Variants in TP73 observed in about 807,000 individuals in gnomAD.
TP73 encodes p53-like transcription factor.
TP73 carries 25 observed loss-of-function variants against 62.5 expected under a neutral mutation model. The ratio of observed to expected loss-of-function variants is 0.40; its 90% CI spans 0.29 to 0.56. The LOEUF (loss-of-function observed/expected upper bound fraction) is 0.56, where lower values mean the gene tolerates loss of function less well. TP73 is among the 20% of genes least tolerant of loss of function. The pLI, the probability that TP73 is intolerant of heterozygous loss-of-function variation, is 0.46. For synonymous variants in TP73, 423 were observed against 377.5 expected, an observed-to-expected ratio of 1.12 and a Z score of -1.40; for missense variants, 754 against 913.3, an observed-to-expected ratio of 0.83 and a Z score of 2.25.
intron 4 of TP73, among the ~76,000 whole-genome samples, chr1:3,721,258 G>A (rs1262435351): frequency 6.6e-6 from 1 of 152,254 alleles, no homozygotes; most frequent in Admixed American, 6.5e-5. Flanking sequence ...CTCAGGAAGG[G>A]TGTCATCCAG....
intron 1 of TP73, among the ~76,000 whole-genome samples, chr1:3,654,878 A>G (rs1222438816): frequency 6.6e-6 from 1 of 152,204 alleles, no homozygotes; most frequent in African/African-American, 2.4e-5. Flanking sequence ...CCAAGAATGG[A>G]TTGATAACAC....
At position 3,691,093 on chromosome 1, in the gene TP73, G is replaced by A. The variant is rs771020795; in HGVS notation, c.186+7913G>A. 2.1e-4 allele frequency: 250 copies of A among 1,211,250 alleles called. 1 individual carries two copies. The highest frequency in any genetic ancestry group is 1.3e-3 in the South Asian group (97 of 72,974). The allele number at this position is 1,211,250 out of a possible 1,614,324, so 75.0% of individuals were successfully genotyped here. A position where few individuals can be genotyped will look rare whatever the true frequency, so the allele number is the denominator to read the frequency against. On this transcript the variant is annotated intron_variant, in intron 3 of 13. Transcript: ENST00000378295. ...GGTGAGCAGAGGTAGGAAGGGAGGC[G>A]TTGAGGGGCTAGAGGCAGGTCCCAG...
chr1:3,707,368 A>ATATG (rs1402485021), intron 3 of TP73, among the ~76,000 whole-genome samples, 181 bp from the exon 4 acceptor site: 1 of 152,136 alleles, frequency 6.6e-6, no homozygotes, highest in Non-Finnish European at 1.5e-5. Flanking sequence ...GGCGAGGTGA[A>ATATG]TATGTCAGTT....
intron 3 of TP73, among the ~76,000 whole-genome samples, chr1:3,704,758 C>T (rs887599671): frequency 6.0e-4 from 91 of 152,140 alleles, no homozygotes; most frequent in African/African-American, 2.0e-3. Context: ...GACTCTGGGG[C>T]GGGGCCTGGG....
At position 3,731,453 on chromosome 1, in the gene TP73, C is replaced by A. The variant is rs766187663; in HGVS notation, c.1485-10C>A. 2.5e-6 allele frequency: 4 copies of A among 1,612,826 alleles called. No individual in the cohort carries two copies. The African/African-American group carries it at 4.0e-5, about 16-fold the overall frequency. On this transcript the variant is annotated splice_polypyrimidine_tract_variant and intron_variant, in intron 12 of 13. Transcript: ENST00000378295. ...CTAATGCTGCTTCCTTTCTCAAATT[C>A]TCTCTGCAGTTTTTTAACAGGATTG... is the stretch of plus-strand genomic sequence containing the variant.
intron 7 of TP73, 175 bp downstream of exon 7, chr1:3,727,399 G>T: frequency 1.1e-6 from 1 of 920,492 alleles, no homozygotes; most frequent in Non-Finnish European, 1.6e-6. Context: ...CTGGGCACAA[G>T]CTGGGCCTCC....
rs1265768310 is a variant in TP73, at chr1:3,699,865, C to T, written c.187-7684C>T. On this transcript the variant is annotated intron_variant, in intron 3 of 13. Coordinates refer to ENST00000378295, the MANE Select transcript of TP73 (RefSeq NM_005427.4). The surrounding 1 kb of genome is among the most constrained non-coding windows in gnomAD (Gnocchi z 4.1). Reference sequence around the variant, plus strand: ...CTTTTTCACGTGCCTCCCTCTCTGACTCGGATCCTAAGTGATTAGGATCAG... The same window carrying T: ...CTTTTTCACGTGCCTCCCTCTCTGATTCGGATCCTAAGTGATTAGGATCAG... 2.0e-5 allele frequency among the ~76,000 whole-genome samples: 3 copies of T among 152,110 alleles called. No individual in the cohort carries two copies. The highest frequency in any genetic ancestry group is 6.5e-5 in the Admixed American group (1 of 15,282).
At chr1:3,676,080 G>A (rs1359824846) in intron 1 of TP73, among the ~76,000 whole-genome samples, 2 of 151,116 alleles carry the variant, frequency 1.3e-5, no homozygotes, top group East Asian at 3.9e-4. Context: ...GCACCCATGG[G>A]GACAAGAGAT....
intron 1 of TP73, among the ~76,000 whole-genome samples, 177 bp from the exon 2 acceptor site, chr1:3,682,156 C>T (rs769542448): frequency 5.3e-5 from 8 of 152,214 alleles, no homozygotes; most frequent in East Asian, 3.8e-4. Context: ...TTTCCAGCCG[C>T]GGGGAACAGG....
At chr1:3,718,257 C>T (rs921332939) in intron 4 of TP73, among the ~76,000 whole-genome samples, 2 of 152,174 alleles carry the variant, frequency 1.3e-5, no homozygotes, top group Admixed American at 6.5e-5. Flanking sequence ...CGCGCCTGGG[C>T]CCCCAGGACC....
At position 3,670,186 on chromosome 1, in the gene TP73, G is replaced by A. The variant is rs531019035; in HGVS notation, c.-33-12147G>A. ...TGAGGATCTCTCTGCTCATCCCTAA[G>A]GCAGGGATGATGATGGGGCCAGGGG... On this transcript the variant is annotated intron_variant, in intron 1 of 13. Coordinates refer to ENST00000378295, the MANE Select transcript of TP73 (RefSeq NM_005427.4). The surrounding 1 kb of genome is among the most constrained non-coding windows in gnomAD (Gnocchi z 5.9). Among the ~76,000 whole-genome samples the A allele has an allele frequency of 6.6e-6, 1 of 152,202 alleles. No homozygotes were observed. The highest frequency in any genetic ancestry group is 2.4e-5 in the African/African-American group (1 of 41,508).
At chr1:3,727,378 G>A in intron 7 of TP73, 154 bp downstream of exon 7, 2 of 944,306 alleles carry the variant, frequency 2.1e-6, no homozygotes, top group Non-Finnish European at 1.6e-6. Context: ...CCCCTGGCCT[G>A]CAGGGCCTGC....
chr1:3,690,921 G>A lies in TP73; in HGVS notation c.186+7741G>A, dbSNP rs1384415342. ...GGCGCCTACCATGCTGTACGTCGGT[G>A]ACCCCGCACGGCACCTCGCCACGGT... On this transcript the variant is annotated intron_variant, in intron 3 of 13. Coordinates refer to ENST00000378295, the MANE Select transcript of TP73 (RefSeq NM_005427.4). 6 of 1,581,036 alleles carry A rather than the reference G, an allele frequency of 3.8e-6. No homozygotes were observed. The South Asian group carries it at 6.9e-5, about 18-fold the overall frequency.
chr1:3,663,980 C>G lies in TP73; in HGVS notation c.-34+11339C>G, dbSNP rs1208833597. On this transcript the variant is annotated intron_variant, in intron 1 of 13. Coordinates refer to ENST00000378295, the MANE Select transcript of TP73 (RefSeq NM_005427.4). The surrounding 1 kb of genome is among the most constrained non-coding windows in gnomAD (Gnocchi z 4.7). ...CAGTACCCTGGGGGTCGTGGCCGGCCCCCCTCCCTCCATGCCACAGGCTCT... is the reference window on the plus strand; with the variant it reads ...CAGTACCCTGGGGGTCGTGGCCGGCGCCCCTCCCTCCATGCCACAGGCTCT... 6.6e-6 allele frequency among the ~76,000 whole-genome samples: 1 copy of G among 152,178 alleles called. No homozygotes were observed. The highest frequency in any genetic ancestry group is 1.5e-5 in the Non-Finnish European group (1 of 68,030).
intron 4 of TP73, among the ~76,000 whole-genome samples, chr1:3,713,961 G>T (rs3765762): frequency 1.3e-5 from 2 of 152,002 alleles, no homozygotes; most frequent in African/African-American, 2.4e-5. Context: ...TGGGGAAACC[G>T]CACAGGGGGA....
intron 11 of TP73, 46 bp from the exon 12 acceptor site, chr1:3,730,881 A>G (rs2124542735): frequency 6.5e-7 from 1 of 1,543,558 alleles, no homozygotes; most frequent in Non-Finnish European, 8.8e-7. Context: ...CTGCACCTGG[A>G]TGCCCAGCCT....
intron 1 of TP73, among the ~76,000 whole-genome samples, chr1:3,658,062 C>T (rs950137086): frequency 3.4e-4 from 52 of 152,328 alleles, no homozygotes; most frequent in African/African-American, 1.2e-3. Flanking sequence ...GAGGAGACGC[C>T]GTCCCAGTGG....
chr1:3,675,395 A>G (rs535706415), intron 1 of TP73, among the ~76,000 whole-genome samples: 4 of 152,296 alleles, frequency 2.6e-5, no homozygotes, highest in Non-Finnish European at 4.4e-5. Flanking sequence ...CTGAAATAAC[A>G]GGTAAAATCA....
In TP73 at chr1:3,727,096, C is replaced by T. The variant is rs765457575; in HGVS notation, c.733-19C>T. The T allele has an allele frequency of 2.5e-6, 4 of 1,605,780 alleles. No individual in the cohort carries two copies. Among genetic ancestry groups the T allele is most frequent in the Admixed American group, 3.4e-5 (2 of 59,640 alleles). On this transcript the variant is annotated intron_variant, in intron 6 of 13. Coordinates refer to ENST00000378295, the MANE Select transcript of TP73 (RefSeq NM_005427.4). ...CTGCGTGCTGATGCTAGCCCCTCTCCCTGCTCCCCCATGTGCAGGTGGGGA... is the reference window on the plus strand; with the variant it reads ...CTGCGTGCTGATGCTAGCCCCTCTCTCTGCTCCCCCATGTGCAGGTGGGGA...
Sources: gnomAD v4.1 joint callset for allele counts (sites outside exome capture counted in the v4.1 genomes callset) on GRCh38, gnomAD v4.1.1 for gene constraint, Gnocchi (gnomAD v3.1) non-coding constraint, MANE v1.5 for transcripts, NCBI Gene and HGNC (gene_info 2026-07-23, HGNC 2026-07-21) for gene names.